SLC39A11: variants seen among roughly 807,000 people sequenced by gnomAD.
SLC39A11 encodes zinc transporter ZIP11.
SLC39A11 carries 33 observed loss-of-function variants against 36.1 expected under a neutral mutation model. The ratio of observed to expected loss-of-function variants is 0.91; its 90% CI spans 0.69 to 1.22. The LOEUF (loss-of-function observed/expected upper bound fraction) is 1.22. SLC39A11 is among the 50% of genes most tolerant of loss of function. The probability of loss-of-function intolerance (pLI) is 0.00; values close to 1 mark genes in which losing one functional copy is unlikely to be tolerated. For synonymous variants in SLC39A11, 166 were observed against 170.3 expected, an observed-to-expected ratio of 0.97 and a Z score of 0.20; for missense variants, 432 against 430.3, an observed-to-expected ratio of 1.00 and a Z score of -0.03.
chr17:73,041,002 C>CAAAAAACAAAAAACAAAAAAA (rs2059091955), intron 3 of SLC39A11, among the ~76,000 whole-genome samples: 12 of 134,424 alleles, frequency 8.9e-5, no homozygotes, highest in Admixed American at 1.4e-4. Flanking sequence ...AAACAAAAAA[C>CAAAAAACAAAAAACAAAAAAA]AAAAAACAAA....
chr17:72,782,379 T>C (rs1055477155), intron 6 of SLC39A11, among the ~76,000 whole-genome samples: 1 of 152,054 alleles, frequency 6.6e-6, no homozygotes, highest in Non-Finnish European at 1.5e-5. Flanking sequence ...TGCATCTCTG[T>C]TGTTTTAAGC....
At chr17:73,045,351 A>G (rs2059246492) in intron 3 of SLC39A11, among the ~76,000 whole-genome samples, 1 of 132,706 alleles carries the variant, frequency 7.5e-6, no homozygotes, top group Admixed American at 9.4e-5. Flanking sequence ...TTGACCAGTC[A>G]CCTAATTCTA....
At chr17:73,021,197 C>T (rs552937745) in intron 4 of SLC39A11, among the ~76,000 whole-genome samples, 122 of 152,218 alleles carry the variant, frequency 8.0e-4, no homozygotes, top group African/African-American at 2.8e-3. Context: ...AGATGGACCA[C>T]GCAGGCATGA....
intron 5 of SLC39A11, among the ~76,000 whole-genome samples, chr17:72,934,769 C>A (rs2084642255): frequency 6.6e-6 from 1 of 152,138 alleles, no homozygotes; most frequent in Non-Finnish European, 1.5e-5. Context: ...CAAATGAGCA[C>A]ATGAAAAGAT....
chr17:72,779,710 AT>A (rs2076246513), intron 6 of SLC39A11, among the ~76,000 whole-genome samples: 3 of 152,274 alleles, frequency 2.0e-5, no homozygotes, highest in South Asian at 4.1e-4. Flanking sequence ...TCTGGTCTCT[AT>A]TCTCACTTAG....
intron 4 of SLC39A11, among the ~76,000 whole-genome samples, chr17:72,948,398 T>C (rs1044106068): frequency 3.3e-5 from 5 of 150,596 alleles, no homozygotes; most frequent in Non-Finnish European, 5.9e-5. Context: ...AAAACCCCAC[T>C]GCAAGCATCA....
At chr17:72,890,761 G>A (rs1246116487) in intron 5 of SLC39A11, among the ~76,000 whole-genome samples, 1 of 152,138 alleles carries the variant, frequency 6.6e-6, no homozygotes, top group East Asian at 1.9e-4. Context: ...TGTGAGTCTG[G>A]GTGAGATTCC....
intron 4 of SLC39A11, among the ~76,000 whole-genome samples, chr17:72,971,464 T>C (rs902700895): frequency 6.6e-6 from 1 of 152,042 alleles, no homozygotes; most frequent in East Asian, 1.9e-4. Context: ...TTAATGAAAA[T>C]CTCAGCCCTT....
intron 7 of SLC39A11, among the ~76,000 whole-genome samples, chr17:72,717,006 C>T (rs1377326072): frequency 2.4e-4 from 34 of 144,638 alleles, no homozygotes; most frequent in African/African-American, 7.9e-4. Flanking sequence ...CACACACACA[C>T]ACACACACAC....
At chr17:73,085,642 C>CAAA (rs35729985) in intron 2 of SLC39A11, among the ~76,000 whole-genome samples, 39 of 101,964 alleles carry the variant, frequency 3.8e-4, no homozygotes, top group Admixed American at 6.7e-4. Flanking sequence ...AACTCCGCCT[C>CAAA]AAAAAAAAAA....
intron 4 of SLC39A11, among the ~76,000 whole-genome samples, chr17:72,994,673 C>T (rs1341512058): frequency 6.6e-6 from 1 of 152,204 alleles, no homozygotes; most frequent in Admixed American, 6.5e-5. Flanking sequence ...ATCCAGCCTA[C>T]TTTAAGTAGA....
chr17:72,723,230 A>C (rs895729716), intron 7 of SLC39A11, among the ~76,000 whole-genome samples: 1 of 152,188 alleles, frequency 6.6e-6, no homozygotes, highest in Admixed American at 6.5e-5. Flanking sequence ...GATGCTTCAT[A>C]GAGAGATGTC....
intron 3 of SLC39A11, among the ~76,000 whole-genome samples, chr17:73,053,885 T>G (rs1195990110): frequency 1.3e-5 from 2 of 152,234 alleles, no homozygotes; most frequent in Admixed American, 6.5e-5. Context: ...GTAATGAGTT[T>G]ACATTCAATT....
chr17:72,845,244 C>T (rs1214605383), intron 6 of SLC39A11, among the ~76,000 whole-genome samples: 1 of 152,210 alleles, frequency 6.6e-6, no homozygotes, highest in Non-Finnish European at 1.5e-5. Context: ...ACACACAGAG[C>T]AAAAACAAAC....
intron 7 of SLC39A11, among the ~76,000 whole-genome samples, chr17:72,658,675 T>C (rs563275950): frequency 3.9e-5 from 6 of 152,304 alleles, no homozygotes; most frequent in East Asian, 1.9e-4. Flanking sequence ...CTGTGATGTG[T>C]AGTGCCAGTC....
intron 6 of SLC39A11, among the ~76,000 whole-genome samples, chr17:72,742,577 G>A (rs540578221): frequency 3.9e-5 from 6 of 152,138 alleles, no homozygotes; most frequent in Non-Finnish European, 8.8e-5. Context: ...ACACTAGACA[G>A]GCGTATCCCT....
chr17:72,784,371 G>C (rs1363418128), intron 6 of SLC39A11, among the ~76,000 whole-genome samples: 1 of 151,996 alleles, frequency 6.6e-6, no homozygotes, highest in African/African-American at 2.4e-5. Flanking sequence ...AAAAAGGTTG[G>C]GGGGTGCGTG....
intron 6 of SLC39A11, among the ~76,000 whole-genome samples, chr17:72,771,481 T>TG (rs1025564566): frequency 3.5e-4 from 53 of 150,624 alleles, no homozygotes; most frequent in African/African-American, 1.1e-3. Context: ...GAGGAGGAAA[T>TG]GGGGGGGTTA....
chr17:72,897,073 A>AAAC (rs2082073108), intron 5 of SLC39A11, among the ~76,000 whole-genome samples: 1 of 147,624 alleles, frequency 6.8e-6, no homozygotes, highest in South Asian at 2.1e-4. Context: ...AAAAAAAAAC[A>AAAC]AACAGAAAAA....
Sources: gnomAD v4.1 joint callset for allele counts (sites outside exome capture counted in the v4.1 genomes callset) on GRCh38, gnomAD v4.1.1 for gene constraint, MANE v1.5 for transcripts, NCBI Gene and HGNC (gene_info 2026-07-23, HGNC 2026-07-21) for gene names.